The following GLIS3 variants were observed in gnomAD, a reference collection of about 807,000 sequenced individuals.
GLIS3 encodes the protein GLIS family zinc finger 3, also known as zinc finger protein GLIS3.
In GLIS3, 53 loss-of-function variants were observed where a neutral mutation model predicts 78.6. The observed-to-expected ratio is 0.67, with a 90% CI of 0.54 to 0.85. GLIS3 has a LOEUF of 0.85. GLIS3 is among the 40% of genes least tolerant of loss of function. The pLI, the probability that GLIS3 is intolerant of heterozygous loss-of-function variation, is 0.00. For synonymous variants in GLIS3, 684 were observed against 509.9 expected (o/e 1.34, Z -4.60); for missense variants, 1,703 against 1,231.1 (o/e 1.38, Z -5.74).
chr9:3,836,555 T>A (rs1818364078), intron 9 of GLIS3, among the ~76,000 whole-genome samples: 1 of 152,188 alleles, frequency 6.6e-6, no homozygotes, highest in Admixed American at 6.5e-5. Flanking sequence ...TGGCTCTTTG[T>A]GGATTCCCCT....
chr9:4,205,434 G>C (rs988729919), intron 2 of GLIS3, among the ~76,000 whole-genome samples: 1 of 152,178 alleles, frequency 6.6e-6, no homozygotes, highest in African/African-American at 2.4e-5. Context: ...AGAGACAATG[G>C]GATACAAGGA....
chr9:4,037,385 A>G (rs1824407888), intron 4 of GLIS3, among the ~76,000 whole-genome samples: 1 of 152,204 alleles, frequency 6.6e-6, no homozygotes, highest in African/African-American at 2.4e-5. Flanking sequence ...AAAAGTGTCG[A>G]TCTGATAGGT....
chr9:4,234,994 A>C (rs896025386), intron 2 of GLIS3, among the ~76,000 whole-genome samples: 4 of 152,040 alleles, frequency 2.6e-5, no homozygotes, highest in African/African-American at 9.7e-5. Context: ...ACCTCACTGG[A>C]CTTAATAAAA....
chr9:4,171,933 G>A (rs896610311), intron 2 of GLIS3, among the ~76,000 whole-genome samples: 1 of 152,152 alleles, frequency 6.6e-6, no homozygotes, highest in Non-Finnish European at 1.5e-5. Context: ...AAAGTGGCAG[G>A]ATATATTTTT....
intron 4 of GLIS3, among the ~76,000 whole-genome samples, chr9:3,939,441 C>T (rs951424762): frequency 2.0e-5 from 3 of 152,136 alleles, no homozygotes; most frequent in South Asian, 2.1e-4. Flanking sequence ...TCAGCTAAAA[C>T]CCAACTAATT....
At chr9:4,157,638 C>T (rs187793645) in intron 2 of GLIS3, among the ~76,000 whole-genome samples, 83 of 152,278 alleles carry the variant, frequency 5.5e-4, no homozygotes, top group Admixed American at 1.8e-3. Context: ...ACCCTCAGTG[C>T]TTGACTTAAA....
chr9:4,015,803 T>G (rs1822382687), intron 4 of GLIS3, among the ~76,000 whole-genome samples: 1 of 147,930 alleles, frequency 6.8e-6, no homozygotes, highest in African/African-American at 2.5e-5. Context: ...GCAGGAGAAC[T>G]GCTTGAACCC....
chr9:3,863,948 A>C (rs950808199), intron 8 of GLIS3, among the ~76,000 whole-genome samples: 12 of 151,960 alleles, frequency 7.9e-5, no homozygotes, highest in African/African-American at 2.9e-4. Context: ...TGAATTATGC[A>C]GGACCAAGAG....
At chr9:4,218,631 G>T (rs10121596) in intron 2 of GLIS3, among the ~76,000 whole-genome samples, 35,044 of 152,168 alleles carry the variant, frequency 0.23, 4,938 homozygotes, top group African/African-American at 0.4. Context: ...CAATCTGGTA[G>T]ATACCACCCA....
intron 4 of GLIS3, among the ~76,000 whole-genome samples, chr9:4,114,448 G>C (rs993959608): frequency 6.6e-6 from 1 of 152,156 alleles, no homozygotes; most frequent in Non-Finnish European, 1.5e-5. Context: ...TCCATGACTT[G>C]TTCTGACCTG....
intron 4 of GLIS3, among the ~76,000 whole-genome samples, chr9:3,989,975 A>G (rs1434361456): frequency 1.3e-5 from 2 of 152,242 alleles, no homozygotes; most frequent in East Asian, 3.9e-4. Context: ...GCAAAATACT[A>G]ACATTGGGGG....
chr9:4,144,512 C>T (rs1399106777), intron 2 of GLIS3, among the ~76,000 whole-genome samples: 1 of 152,156 alleles, frequency 6.6e-6, no homozygotes, highest in African/African-American at 2.4e-5. Flanking sequence ...GTTGTTTATA[C>T]ATGATTAAGC....
chr9:4,311,586 C>G (rs1227604810), intron 2 of GLIS3, among the ~76,000 whole-genome samples: 1 of 152,138 alleles, frequency 6.6e-6, no homozygotes, highest in Non-Finnish European at 1.5e-5. Context: ...GCCAGAATAA[C>G]TCCACACTCC....
chr9:4,307,269 G>A (rs923404411), intron 4 of GLIS3, among the ~76,000 whole-genome samples: 2 of 152,128 alleles, frequency 1.3e-5, no homozygotes, highest in African/African-American at 4.8e-5. Flanking sequence ...ATGCTTAATT[G>A]TAATACATGT....
chr9:4,264,340 C>G (rs1825797303), intron 2 of GLIS3, among the ~76,000 whole-genome samples: 1 of 152,216 alleles, frequency 6.6e-6, no homozygotes, highest in Admixed American at 6.5e-5. Context: ...GCGACCATCT[C>G]TCTCCCCAGG....
At chr9:4,321,538 C>A (rs887232121) in intron 2 of GLIS3, among the ~76,000 whole-genome samples, 1 of 142,432 alleles carries the variant, frequency 7.0e-6, no homozygotes, top group African/African-American at 2.5e-5. Flanking sequence ...GCATGGTCTT[C>A]TCTATTTACG....
At chr9:4,226,783 A>C (rs1013692354) in intron 2 of GLIS3, among the ~76,000 whole-genome samples, 12 of 152,198 alleles carry the variant, frequency 7.9e-5, no homozygotes, top group African/African-American at 2.9e-4. Flanking sequence ...TTTATCACAT[A>C]AGAGCTGTTG....
At chr9:4,193,546 C>T (rs1357403581) in intron 2 of GLIS3, among the ~76,000 whole-genome samples, 1 of 152,140 alleles carries the variant, frequency 6.6e-6, no homozygotes. Flanking sequence ...TGACACACGG[C>T]TTAACTAGGT....
intron 2 of GLIS3, among the ~76,000 whole-genome samples, chr9:4,184,829 T>C (rs1380189333): frequency 1.3e-5 from 2 of 152,150 alleles, no homozygotes; most frequent in Non-Finnish European, 2.9e-5. Context: ...GGAACTGAGG[T>C]TGTGCATCTG....
Sources: gnomAD v4.1 joint callset for allele counts (sites outside exome capture counted in the v4.1 genomes callset) on GRCh38, gnomAD v4.1.1 for gene constraint, MANE v1.5 for transcripts, NCBI Gene and HGNC (gene_info 2026-07-23, HGNC 2026-07-21) for gene names.